SLC7A9: variants seen among roughly 807,000 people sequenced by gnomAD.
SLC7A9 encodes the protein solute carrier family 7 member 9.
SLC7A9 carries 38 observed loss-of-function variants against 54.1 expected under a neutral mutation model. The ratio of observed to expected loss-of-function variants is 0.70; its 90% CI spans 0.54 to 0.92. SLC7A9 has a LOEUF of 0.92. Among genes scored for constraint, SLC7A9 ranks in the 40% least tolerant of loss-of-function variants. SLC7A9 has a pLI of 0.00. For synonymous variants in SLC7A9, 264 were observed against 258.9 expected (o/e 1.02, Z -0.19); for missense variants, 537 against 636.1 (o/e 0.84, Z 1.68).
intron 9 of SLC7A9, among the ~76,000 whole-genome samples, chr19:32,854,909 T>C (rs905181170): frequency 5.9e-5 from 9 of 152,064 alleles, no homozygotes; most frequent in Admixed American, 5.9e-4. Context: ...TTTGAATGAA[T>C]TGAAATCATA....
At chr19:32,848,061 G>A (rs1325200037) in intron 9 of SLC7A9, among the ~76,000 whole-genome samples, 21 of 147,194 alleles carry the variant, frequency 1.4e-4, no homozygotes, top group Admixed American at 2.0e-4. Flanking sequence ...AGGAACAACC[G>A]GTACCAGCCA....
At chr19:32,852,010 G>A (rs113166505) in intron 9 of SLC7A9, among the ~76,000 whole-genome samples, 15,771 of 151,806 alleles carry the variant, frequency 0.1, 1,027 homozygotes, top group Middle Eastern at 0.16. Flanking sequence ...ATCACACTCC[G>A]GGGACTGTTG....
At position 32,843,853 on chromosome 19, in the gene SLC7A9, A is replaced by C. The variant is rs1376825885; in HGVS notation, c.1074+2T>G. The C allele has an allele frequency of 6.2e-7, 1 of 1,610,258 alleles. No homozygotes were observed. Among genetic ancestry groups the C allele is most frequent in the South Asian group, 1.1e-5 (1 of 90,972 alleles). ...TAGGCTGGTAGCGGGATTTGTACTCACATAAAAGATGATGGCGGGGGCTGG... is the reference window on the plus strand; with the variant it reads ...TAGGCTGGTAGCGGGATTTGTACTCCCATAAAAGATGATGGCGGGGGCTGG... On this transcript the variant is annotated splice_donor_variant, in intron 10 of 12. Transcript: ENST00000023064. LOFTEE classifies it high-confidence loss of function.
intron 4 of SLC7A9, among the ~76,000 whole-genome samples, chr19:32,863,328 C>T (rs1367530061): frequency 1.3e-5 from 2 of 151,104 alleles, no homozygotes; most frequent in Non-Finnish European, 2.9e-5. Flanking sequence ...GGTTTTGCCA[C>T]GTTGGCCAGG....
chr19:32,860,836 C>A (rs1968779979), intron 6 of SLC7A9, among the ~76,000 whole-genome samples, 186 bp from the exon 7 acceptor site: 1 of 150,368 alleles, frequency 6.7e-6, no homozygotes, highest in Admixed American at 6.6e-5. Flanking sequence ...GGGCCCTACC[C>A]AGACCTACAC....
chr19:32,857,462 A>T (rs1188768075), intron 9 of SLC7A9, among the ~76,000 whole-genome samples: 3 of 148,584 alleles, frequency 2.0e-5, no homozygotes, highest in Admixed American at 6.8e-5. Context: ...TTAGTTAATT[A>T]AAATTTAAAT....
intron 7 of SLC7A9, chr19:32,860,177 G>A (rs1032195791): frequency 6.7e-7 from 1 of 1,499,414 alleles, no homozygotes; most frequent in Non-Finnish European, 8.9e-7. Flanking sequence ...CAGAGATAAA[G>A]GAAGACCAAG....
At chr19:32,868,426 G>A (rs954173718) in intron 2 of SLC7A9, 22 bp downstream of exon 2, 3 of 1,603,578 alleles carry the variant, frequency 1.9e-6, no homozygotes, top group Admixed American at 1.7e-5. Flanking sequence ...CAAAGGGCCT[G>A]CCCCACCAGA....
chr19:32,858,060 CTA>C (rs1968678533), intron 9 of SLC7A9, among the ~76,000 whole-genome samples: 2 of 152,312 alleles, frequency 1.3e-5, no homozygotes, highest in South Asian at 4.1e-4. Context: ...GGAAATATCA[CTA>C]TGTGAAAAAT....
chr19:32,846,908 T>C (rs1276831707), intron 9 of SLC7A9, among the ~76,000 whole-genome samples: 1 of 152,232 alleles, frequency 6.6e-6, no homozygotes, highest in East Asian at 1.9e-4. Context: ...CCACTGCTGC[T>C]GACACCCAGG....
At chr19:32,841,506 G>A (rs893220247) in intron 11 of SLC7A9, among the ~76,000 whole-genome samples, 3 of 151,918 alleles carry the variant, frequency 2.0e-5, no homozygotes, top group South Asian at 2.1e-4. Context: ...TGGGAGGATC[G>A]CTTGAGCCCA....
chr19:32,864,763 C>G lies in SLC7A9; in HGVS notation c.101G>C (p.Ser34Thr). The G allele has an allele frequency of 1.2e-6, 2 of 1,614,182 alleles. No individual in the cohort carries two copies. Among genetic ancestry groups the G allele is most frequent in the Non-Finnish European group, 1.7e-6 (2 of 1,180,034 alleles). Residue 34 changes from serine (S) to threonine (T), a missense_variant, in exon 3 of 13, where the codon AGT becomes ACT. Transcript: ENST00000023064. The stretch of plus-strand genomic sequence containing the variant: ...GGTGCCCACGATGATGGAGATGCCA[C>G]TGATGAGGCCCAGCTGGGTGTGGAG... Reference protein sequence around the residue: ...TSLQKELGLISGISIIVGTII... With the variant: ...TSLQKELGLITGISIIVGTII...
chr19:32,833,411 C>T, intron 11 of SLC7A9, 88 bp from the exon 12 acceptor site: 1 of 1,081,420 alleles, frequency 9.2e-7, no homozygotes, highest in South Asian at 1.3e-5. Context: ...AGAGTATGAA[C>T]TCCATGTACC....
chr19:32,851,811 C>T (rs1287342706), intron 9 of SLC7A9, among the ~76,000 whole-genome samples: 1 of 152,118 alleles, frequency 6.6e-6, no homozygotes, highest in Non-Finnish European at 1.5e-5. Context: ...GAAAATGTGG[C>T]ACATATACAC....
intron 7 of SLC7A9, chr19:32,860,336 C>T: frequency 1.5e-6 from 2 of 1,379,166 alleles, no homozygotes; most frequent in Non-Finnish European, 1.9e-6. Flanking sequence ...ATGGGCGAAT[C>T]TCTTGAGGTT....
chr19:32,832,270 CAA>C (rs1967820071), intron 12 of SLC7A9, among the ~76,000 whole-genome samples: 1 of 150,046 alleles, frequency 6.7e-6, no homozygotes, highest in Admixed American at 6.7e-5. Flanking sequence ...GCCTGGACAA[CAA>C]GAGCAAAACT....
intron 11 of SLC7A9, among the ~76,000 whole-genome samples, chr19:32,839,732 G>A (rs571772139): frequency 1.6e-4 from 25 of 152,224 alleles, no homozygotes; most frequent in African/African-American, 5.8e-4. Flanking sequence ...AAGTGTTGGT[G>A]GTGAAAAGTT....
At chr19:32,847,831 G>T (rs1026159735) in intron 9 of SLC7A9, among the ~76,000 whole-genome samples, 2 of 152,136 alleles carry the variant, frequency 1.3e-5, no homozygotes, top group South Asian at 4.1e-4. Context: ...GACTAACAGC[G>T]GATCTCTTGG....
intron 9 of SLC7A9, among the ~76,000 whole-genome samples, chr19:32,854,839 C>T (rs188430065): frequency 8.9e-4 from 136 of 152,284 alleles, no homozygotes; most frequent in African/African-American, 2.9e-3. Flanking sequence ...CCACCCACCT[C>T]GGCCTCCCAA....
Sources: gnomAD v4.1 joint callset for allele counts (sites outside exome capture counted in the v4.1 genomes callset) on GRCh38, gnomAD v4.1.1 for gene constraint, MANE v1.5 for transcripts, NCBI Gene and HGNC (gene_info 2026-07-23, HGNC 2026-07-21) for gene names.